ITPK1: variants seen among roughly 807,000 people sequenced by gnomAD.
ITPK1 encodes inositol 1,3,4-trisphosphate 5/6-kinase.
In ITPK1, 21 loss-of-function variants were observed where a neutral mutation model predicts 45.3. That is an observed-to-expected ratio of 0.46 (90% CI 0.33 to 0.67). The LOEUF (loss-of-function observed/expected upper bound fraction) is 0.67, where lower values mean the gene tolerates loss of function less well. ITPK1 is among the 30% of genes least tolerant of loss of function. The probability of loss-of-function intolerance (pLI) is 0.02; values close to 1 mark genes in which losing one functional copy is unlikely to be tolerated. For synonymous variants in ITPK1, 258 were observed against 253.6 expected (o/e 1.02, Z -0.16); for missense variants, 474 against 573.5 (o/e 0.83, Z 1.77).
chr14:93,087,460 G>A (rs1034441749), intron 2 of ITPK1, among the ~76,000 whole-genome samples: 4 of 152,372 alleles, frequency 2.6e-5, no homozygotes, highest in Non-Finnish European at 4.4e-5. Flanking sequence ...GCTGCAGTGC[G>A]TTATGATCAG....
intron 3 of ITPK1, among the ~76,000 whole-genome samples, chr14:93,043,755 G>A (rs934896217): frequency 1.3e-5 from 2 of 152,178 alleles, no homozygotes; most frequent in Admixed American, 6.5e-5. Flanking sequence ...TCATGCCCAG[G>A]CCACCGTTCT....
intron 3 of ITPK1, among the ~76,000 whole-genome samples, chr14:93,057,150 G>C (rs765067838): frequency 1.2e-4 from 19 of 152,218 alleles, no homozygotes; most frequent in Non-Finnish European, 1.9e-4. Context: ...CTTGCCCAGA[G>C]CACAGTGACT....
At chr14:93,053,052 C>T (rs931231123) in intron 3 of ITPK1, among the ~76,000 whole-genome samples, 8 of 151,884 alleles carry the variant, frequency 5.3e-5, no homozygotes, top group Non-Finnish European at 1.0e-4. Context: ...GGGTGCAGCA[C>T]ACCAACATGG....
chr14:92,949,989 C>T (rs937440258), intron 9 of ITPK1, among the ~76,000 whole-genome samples: 1 of 152,208 alleles, frequency 6.6e-6, no homozygotes, highest in East Asian at 1.9e-4. Context: ...GCGGTGGGTG[C>T]TTCTCACCCA....
At chr14:93,069,044 CT>C (rs1379292429) in intron 3 of ITPK1, 1 of 152,518 alleles carries the variant, frequency 6.6e-6, no homozygotes, top group Non-Finnish European at 1.5e-5. Context: ...GATCCTCCCC[CT>C]CTCACCTCCC....
intron 3 of ITPK1, among the ~76,000 whole-genome samples, chr14:93,027,470 C>A (rs1380584972): frequency 6.6e-6 from 1 of 152,162 alleles, no homozygotes; most frequent in Non-Finnish European, 1.5e-5. Flanking sequence ...AATTATTATT[C>A]CCATTGTACA....
chr14:92,938,522 G>T lies in ITPK1; in HGVS notation c.*3039C>A, dbSNP rs1385105089. The T allele has an allele frequency of 6.2e-7, 1 of 1,612,490 alleles. No homozygotes were observed. Among genetic ancestry groups the T allele is most frequent in the Non-Finnish European group, 8.5e-7 (1 of 1,178,582 alleles). On this transcript the variant is annotated 3_prime_UTR_variant, in exon 11 of 11. Transcript: ENST00000267615. The stretch of plus-strand genomic sequence containing the variant: ...AGCCTTCTATAAAGCACACTTGGCA[G>T]TCCCCTGGGTACAGAGAGGAATGTT...
At chr14:93,015,419 G>A (rs1387066466) in intron 4 of ITPK1, among the ~76,000 whole-genome samples, 1 of 152,218 alleles carries the variant, frequency 6.6e-6, no homozygotes, top group African/African-American at 2.4e-5. Flanking sequence ...CCTCTGTCTT[G>A]TTCCCCTCGA....
intron 5 of ITPK1, among the ~76,000 whole-genome samples, chr14:92,984,446 T>G (rs1285846658): frequency 6.6e-6 from 1 of 152,248 alleles, no homozygotes; most frequent in Non-Finnish European, 1.5e-5. Flanking sequence ...TCTCTGAAAT[T>G]GAGATGTGTC....
intron 4 of ITPK1, among the ~76,000 whole-genome samples, chr14:93,015,065 G>A (rs1274293413): frequency 6.6e-6 from 1 of 152,216 alleles, no homozygotes; most frequent in Non-Finnish European, 1.5e-5. Context: ...TGAGGCAGGA[G>A]CAAATGGCTC....
At chr14:93,004,264 A>G (rs571425960) in intron 4 of ITPK1, among the ~76,000 whole-genome samples, 2 of 152,360 alleles carry the variant, frequency 1.3e-5, no homozygotes, top group South Asian at 4.1e-4. Flanking sequence ...GCCCAAGCAA[A>G]GCTGTCCTCT....
chr14:92,946,756 C>T lies in ITPK1; in HGVS notation c.739-263G>A, dbSNP rs189771607. ...GCCAGTGCCAGCACTGCACATTACACACAGGGAAACCGGAGCTCAGAGAGG... is the reference window on the plus strand; with the variant it reads ...GCCAGTGCCAGCACTGCACATTACATACAGGGAAACCGGAGCTCAGAGAGG... On this transcript the variant is annotated intron_variant, in intron 9 of 10. Coordinates refer to ENST00000267615, the MANE Select transcript of ITPK1 (RefSeq NM_014216.6). 5.1e-4 allele frequency among the ~76,000 whole-genome samples: 78 copies of T among 152,388 alleles called. 1 individual carries two copies. The highest frequency in any genetic ancestry group is 1.6e-3 in the African/African-American group (68 of 41,602).
intron 4 of ITPK1, among the ~76,000 whole-genome samples, chr14:93,002,058 A>G (rs539802201): frequency 6.6e-6 from 1 of 152,240 alleles, no homozygotes; most frequent in East Asian, 1.9e-4. Context: ...TTGACAATCA[A>G]AGAAACTAGG....
In ITPK1 at chr14:92,976,705, T is replaced by G. The variant is rs1418635747; in HGVS notation, c.365-13856A>C. On this transcript the variant is annotated intron_variant, in intron 5 of 10. Transcript: ENST00000267615. ...TCAACTTGTGTCATCTTTATAGCAA[T>G]GCCATAGCACGGATCACTATCACCA... Among the ~76,000 whole-genome samples, 3 of 152,112 alleles carry G rather than the reference T, an allele frequency of 2.0e-5. No individual in the cohort carries two copies. The East Asian group carries it at 5.8e-4, about 29-fold the overall frequency.
intron 3 of ITPK1, chr14:93,069,228 C>G (rs1382049344): frequency 6.5e-6 from 1 of 154,202 alleles, no homozygotes; most frequent in Non-Finnish European, 1.5e-5. Context: ...TGTATCCTCC[C>G]CATGGCTCTT....
At chr14:93,100,376 T>TA (rs1892259499) in intron 2 of ITPK1, among the ~76,000 whole-genome samples, 2 of 152,138 alleles carry the variant, frequency 1.3e-5, no homozygotes, top group Non-Finnish European at 2.9e-5. Context: ...CCAGGGCTGT[T>TA]AATGCGGATC....
At chr14:92,963,726 C>T (rs1056316368) in intron 5 of ITPK1, among the ~76,000 whole-genome samples, 4 of 152,214 alleles carry the variant, frequency 2.6e-5, no homozygotes, top group Admixed American at 6.5e-5. Context: ...TGCCTGGCAC[C>T]GAGCAGGGGT....
At position 92,938,207 on chromosome 14, in the gene ITPK1, C is replaced by A; in HGVS notation, c.*3354G>T. On this transcript the variant is annotated 3_prime_UTR_variant, in exon 11 of 11. Transcript: ENST00000267615. ...TCTCTTGACCTTGTGATCCACCTGC[C>A]TCAGCCTCCCTAAGTGCTGGGATGA... 2 of 526,340 alleles carry A rather than the reference C, an allele frequency of 3.8e-6. No homozygotes were observed. The highest frequency in any genetic ancestry group is 2.6e-5 in the South Asian group (1 of 38,556). 32.6% of individuals were successfully genotyped at this position (526,340 alleles called of 1,614,324 possible).
chr14:92,958,981 T>C lies in ITPK1; in HGVS notation c.505-615A>G, dbSNP rs1312739939. On this transcript the variant is annotated intron_variant, in intron 7 of 10. Transcript: ENST00000267615. This position sits in a 1 kb window ranked among gnomAD's most constrained non-coding sequence, Gnocchi z 4.4. ...GGTTCAGTGACTGCTGGACAGTGAG[T>C]GAGCCCGGGATGGAACTGGGTCTGC... Among the ~76,000 whole-genome samples the C allele has an allele frequency of 6.6e-6, 1 of 152,106 alleles. No individual in the cohort carries two copies. Among genetic ancestry groups the C allele is most frequent in the Non-Finnish European group, 1.5e-5 (1 of 68,020 alleles).
Sources: allele counts gnomAD v4.1 joint callset (sites outside exome capture counted in the v4.1 genomes callset), GRCh38; gene constraint gnomAD v4.1.1; non-coding constraint Gnocchi (gnomAD v3.1); transcripts MANE v1.5; gene names NCBI Gene and HGNC (gene_info 2026-07-23, HGNC 2026-07-21).